ADAM19: variants seen among roughly 807,000 people sequenced by gnomAD.
ADAM19 encodes the protein disintegrin and metalloproteinase domain-containing protein 19.
ADAM19 carries 65 observed loss-of-function variants against 114.7 expected under a neutral mutation model. The observed-to-expected ratio is 0.57, with a 90% CI of 0.46 to 0.70. The LOEUF is 0.70. Among genes scored for constraint, ADAM19 ranks in the 30% least tolerant of loss-of-function variants. The pLI is 0.00. For missense variants in ADAM19, 1,063 were observed against 1,204.7 expected, an observed-to-expected ratio of 0.88 and a Z score of 1.74; for synonymous variants, 466 against 460.5, an observed-to-expected ratio of 1.01 and a Z score of -0.15.
chr5:157,496,814 C>A (rs1755380191), intron 14 of ADAM19, 80 bp downstream of exon 14: 2 of 1,359,586 alleles, frequency 1.5e-6, no homozygotes, highest in South Asian at 3.0e-5. Flanking sequence ...AGCCAAGATT[C>A]CAAACTACCC....
chr5:157,520,776 T>G (rs1024539069), intron 5 of ADAM19, among the ~76,000 whole-genome samples: 35 of 152,216 alleles, frequency 2.3e-4, no homozygotes, highest in African/African-American at 8.4e-4. Flanking sequence ...TTTGGTGAAG[T>G]GACATCCACC....
At chr5:157,503,067 C>T (rs540756791) in intron 11 of ADAM19, 87 bp from the exon 12 acceptor site, 39 of 1,316,708 alleles carry the variant, frequency 3.0e-5, no homozygotes, top group East Asian at 1.7e-4. Flanking sequence ...TCCTGCTACC[C>T]GTGGGGCTGA....
chr5:157,510,415 G>C (rs1204216983), intron 8 of ADAM19, among the ~76,000 whole-genome samples: 1 of 152,170 alleles, frequency 6.6e-6, no homozygotes, highest in South Asian at 2.1e-4. Context: ...CAGGGGTTGC[G>C]GTGAGCCAAG....
rs771017146 is a variant in ADAM19 at position 157,488,384 on chromosome 5, G to T, written c.2431C>A (p.Leu811Met). 4 of 1,614,158 alleles carry T rather than the reference G, an allele frequency of 2.5e-6. No homozygotes were observed. The highest frequency in any genetic ancestry group is 3.4e-6 in the Non-Finnish European group (4 of 1,180,016). ...GGGGAGTTCCTAGCAGCCCTGCTCA[G>T]GTGAGCTGGCAGTGGTGCAGGTGGG... The part of the protein sequence containing the change: ...GSPPAPLPAH[L>M]SRAARNSPGP... Residue 811 changes from leucine (L) to methionine (M), a missense_variant, in exon 21 of 23, where the codon CTG becomes ATG. Leu to Met is a conservative substitution (Grantham distance 15). This residue lies in a region of ADAM19 where 424 missense variants were observed against 445.5 expected (regional missense o/e 0.95). Coordinates refer to ENST00000257527, the MANE Select transcript of ADAM19 (RefSeq NM_033274.5).
Position 157,482,202 on chromosome 5 carries a change from T to C in ADAM19, c.2551-259A>G, listed in dbSNP as rs1754776837. ...GTTTGTTGGCTGCATAAATGTCTTC[T>C]TTTGAGAAGTGTCTGTTCATATCTT... On this transcript the variant is annotated intron_variant, in intron 21 of 22. Transcript: ENST00000257527. 3.3e-5 allele frequency among the ~76,000 whole-genome samples: 5 copies of C among 152,240 alleles called. No individual in the cohort carries two copies. The South Asian group carries it at 1.0e-3, about 31-fold the overall frequency.
chr5:157,524,539 C>T (rs1756399238), intron 5 of ADAM19, among the ~76,000 whole-genome samples: 1 of 152,244 alleles, frequency 6.6e-6, no homozygotes, highest in Non-Finnish European at 1.5e-5. Flanking sequence ...AAAGGGGACA[C>T]ATTCTACATC....
intron 3 of ADAM19, among the ~76,000 whole-genome samples, chr5:157,544,503 C>T (rs1210275634): frequency 2.6e-5 from 4 of 152,198 alleles, no homozygotes; most frequent in Admixed American, 2.6e-4. Context: ...CTTTGGCCAG[C>T]AGGGTCTTTA....
At chr5:157,544,736 G>A (rs1307003071) in intron 3 of ADAM19, among the ~76,000 whole-genome samples, 1 of 152,228 alleles carries the variant, frequency 6.6e-6, no homozygotes, top group Non-Finnish European at 1.5e-5. Context: ...TCGGGGAAAT[G>A]AGGTGCTACC....
chr5:157,514,202 G>A lies in ADAM19; in HGVS notation c.667-697C>T, dbSNP rs976098615. 1.1e-4 allele frequency among the ~76,000 whole-genome samples: 16 copies of A among 152,294 alleles called. No homozygotes were observed. The South Asian group carries it at 2.7e-3, about 26-fold the overall frequency. ...TCATGTGAATGACATGAGTGCCAAC[G>A]AGGAGGACCATAAGACACTGGCAAA... On this transcript the variant is annotated intron_variant, in intron 7 of 22. Transcript: ENST00000257527.
chr5:157,533,708 C>T (rs552728257), intron 4 of ADAM19, among the ~76,000 whole-genome samples: 3 of 151,954 alleles, frequency 2.0e-5, no homozygotes, highest in South Asian at 2.1e-4. Context: ...GGCTCATGCC[C>T]GTAATCCCAG....
At chr5:157,500,706 T>C (rs1755532194) in intron 12 of ADAM19, among the ~76,000 whole-genome samples, 1 of 152,210 alleles carries the variant, frequency 6.6e-6, no homozygotes, top group Non-Finnish European at 1.5e-5. Flanking sequence ...AAGCCCTTCC[T>C]GGCCTGGACC....
intron 4 of ADAM19, 53 bp downstream of exon 4, chr5:157,537,860 G>C (rs1232611930): frequency 1.2e-5 from 18 of 1,512,540 alleles, no homozygotes; most frequent in Non-Finnish European, 1.6e-5. Flanking sequence ...GGTCCTAGGA[G>C]TAGGGCTGGG....
chr5:157,553,376 C>T (rs7700915), intron 3 of ADAM19, among the ~76,000 whole-genome samples: 37,736 of 152,066 alleles, frequency 0.25, 4,669 homozygotes, highest in South Asian at 0.37. Flanking sequence ...AGATTTGTTT[C>T]ATGGGCTAAA....
At chr5:157,483,091 A>T (rs1754810438) in intron 21 of ADAM19, among the ~76,000 whole-genome samples, 1 of 152,194 alleles carries the variant, frequency 6.6e-6, no homozygotes, top group South Asian at 2.1e-4. Flanking sequence ...GGATAGCATT[A>T]GGAGAAATGC....
intron 3 of ADAM19, among the ~76,000 whole-genome samples, chr5:157,540,332 G>A (rs966598934): frequency 2.6e-5 from 4 of 152,152 alleles, no homozygotes; most frequent in Non-Finnish European, 4.4e-5. Flanking sequence ...CACAGACTGC[G>A]CCATGTACAG....
intron 3 of ADAM19, among the ~76,000 whole-genome samples, chr5:157,562,668 T>G (rs1757539221): frequency 6.6e-6 from 1 of 152,208 alleles, no homozygotes; most frequent in South Asian, 2.1e-4. Context: ...ATTTACTTGC[T>G]GGGTGGCCTC....
intron 14 of ADAM19, 74 bp downstream of exon 14, chr5:157,496,820 T>C (rs1755380453): frequency 1.4e-6 from 2 of 1,391,078 alleles, no homozygotes; most frequent in South Asian, 2.9e-5. Flanking sequence ...GATTCCAAAC[T>C]ACCCTGAGGG....
At chr5:157,508,781 C>A (rs560245700) in intron 9 of ADAM19, among the ~76,000 whole-genome samples, 1 of 152,090 alleles carries the variant, frequency 6.6e-6, no homozygotes, top group Non-Finnish European at 1.5e-5. Flanking sequence ...TAGCACAATC[C>A]CTCCTCAATG....
At chr5:157,574,829 AC>A (rs1757929713) in intron 1 of ADAM19, among the ~76,000 whole-genome samples, 1 of 151,872 alleles carries the variant, frequency 6.6e-6, no homozygotes. Context: ...ATCGAGTCAG[AC>A]CCCTTCGCTT....
Sources: allele counts gnomAD v4.1 joint callset (sites outside exome capture counted in the v4.1 genomes callset), GRCh38; gene constraint gnomAD v4.1.1; regional missense constraint gnomAD v4.1.1; transcripts MANE v1.5; gene names NCBI Gene and HGNC (gene_info 2026-07-23, HGNC 2026-07-21).